The following KIF17 variants were observed in gnomAD, a reference collection of about 807,000 sequenced individuals.
The protein encoded by KIF17 is kinesin-like protein KIF17.
Under a neutral mutation model 96.8 loss-of-function variants are expected in KIF17, and 80 were observed. That is an observed-to-expected ratio of 0.83 (90% confidence interval 0.69 to 1.00). KIF17 has a LOEUF of 1.00. Ranked by LOEUF, KIF17 falls within the 50% of genes least tolerant of loss-of-function variation. The probability of loss-of-function intolerance (pLI) is 0.00; values close to 1 mark genes in which losing one functional copy is unlikely to be tolerated. For synonymous variants in KIF17, 567 were observed against 587.5 expected (o/e 0.97, Z 0.51); for missense variants, 1,280 against 1,372.9 (o/e 0.93, Z 1.07).
chr1:20,664,537 G>A lies in KIF17; in HGVS notation c.*47C>T. 2 of 1,613,378 alleles carry A rather than the reference G, an allele frequency of 1.2e-6. No individual in the cohort carries two copies. Among genetic ancestry groups the A allele is most frequent in the South Asian group, 1.1e-5 (1 of 91,024 alleles). ...GGTTGGGGCTGCCCTGGGAGGGCCTGGCAGTCTCTACATGCCTATAAGGCA... is the reference window on the plus strand; with the variant it reads ...GGTTGGGGCTGCCCTGGGAGGGCCTAGCAGTCTCTACATGCCTATAAGGCA... On this transcript the variant is annotated 3_prime_UTR_variant, in exon 15 of 15. Transcript: ENST00000400463.
chr1:20,676,044 A>G (rs1029117708), intron 11 of KIF17, among the ~76,000 whole-genome samples: 1 of 152,198 alleles, frequency 6.6e-6, no homozygotes, highest in Admixed American at 6.6e-5. Context: ...AGGAAAAAGA[A>G]AAAAAGAAAA....
chr1:20,707,787 ATGTGTGTGTGTGTGTGTGTGTG>A (rs3077930), intron 4 of KIF17, among the ~76,000 whole-genome samples: 22 of 124,568 alleles, frequency 1.8e-4, no homozygotes, highest in African/African-American at 2.3e-4. Flanking sequence ...ACCAATGTGT[ATGTGTGTGTGTGTGTGTGTGTG>A]TGTGTGTGTG....
chr1:20,683,133 A>G (rs890950620), intron 10 of KIF17, among the ~76,000 whole-genome samples: 1 of 152,186 alleles, frequency 6.6e-6, no homozygotes, highest in Admixed American at 6.5e-5. Context: ...CTGTGGGCTC[A>G]GCTAACCCAC....
chr1:20,686,457 ATC>A (rs1253098738), intron 8 of KIF17: 9 of 456,290 alleles, frequency 2.0e-5, no homozygotes, highest in East Asian at 4.1e-5. Flanking sequence ...TAGACCTGGG[ATC>A]TCTCTCTCTA....
chr1:20,676,607 G>A (rs1056581788), intron 11 of KIF17, among the ~76,000 whole-genome samples: 13 of 152,110 alleles, frequency 8.5e-5, no homozygotes, highest in African/African-American at 1.7e-4. Context: ...AAGGTGGGGC[G>A]GATCACTTGA....
rs1249255885 is a variant in KIF17, at chr1:20,717,808, G to C, written c.-102C>G. ...GCGGGGCCAGCGCCGGCCACGGGGGGCGGGGCCTTGAGGCAGGGGCGGGGC... is the reference window on the plus strand; with the variant it reads ...GCGGGGCCAGCGCCGGCCACGGGGGCCGGGGCCTTGAGGCAGGGGCGGGGC... On this transcript the variant is annotated 5_prime_UTR_variant, in exon 1 of 15. Coordinates refer to ENST00000400463, the MANE Select transcript of KIF17 (RefSeq NM_001122819.3). 1.6e-5 allele frequency: 21 copies of C among 1,286,098 alleles called. No homozygotes were observed. In the African/African-American group the frequency reaches 3.2e-4, roughly 19 times the overall value. The allele number at this position is 1,286,098 out of a possible 1,614,324, so 79.7% of individuals were successfully genotyped here.
chr1:20,687,789 A>C lies in KIF17; in HGVS notation c.1537T>G (p.Ser513Ala). Reference sequence around the variant, plus strand: ...AACCTGGAGGAAACCTGAGTCTTGGAGACATCGTCACTGGGCAGAGTGTCA... The same window carrying C: ...AACCTGGAGGAAACCTGAGTCTTGGCGACATCGTCACTGGGCAGAGTGTCA... ...TTDTLPSDDV[S>A]KTQVSSRFAE... is the part of the protein sequence containing the mutation. Residue 513 changes from serine to alanine, a missense_variant, in exon 8 of 15, where the codon TCC (serine) becomes GCC (alanine). Physicochemically the swap from Ser to Ala is moderately conservative, Grantham distance 99 (BLOSUM62 1). Transcript: ENST00000400463. This position sits in a 1 kb window ranked among gnomAD's most constrained non-coding sequence, Gnocchi z 4.4. 2 of 1,614,166 alleles carry C rather than the reference A, an allele frequency of 1.2e-6. No individual in the cohort carries two copies. The highest frequency in any genetic ancestry group is 1.7e-5 in the Admixed American group (1 of 60,022).
chr1:20,704,299 C>T lies in KIF17; in HGVS notation c.1123+148G>A, dbSNP rs561025609. On this transcript the variant is annotated intron_variant, in intron 5 of 14. Coordinates refer to ENST00000400463, the MANE Select transcript of KIF17 (RefSeq NM_001122819.3). This position sits in a 1 kb window ranked among gnomAD's most constrained non-coding sequence, Gnocchi z 6.8. ...AGATACCATCTGGGCCGTCTCCAAC[C>T]AGGGCCCTGCGCTCACATGGGGCTG... 6 of 677,600 alleles carry T rather than the reference C, an allele frequency of 8.9e-6. No individual in the cohort carries two copies. Among genetic ancestry groups the T allele is most frequent in the South Asian group, 4.7e-5 (3 of 63,668 alleles). The allele number at this position is 677,600 out of a possible 1,614,324, so 42.0% of individuals were successfully genotyped here.
chr1:20,690,347 G>C lies in KIF17; in HGVS notation c.1234-12C>G. 7.6e-7 allele frequency: 1 copy of C among 1,323,490 alleles called. No individual in the cohort carries two copies. The highest frequency in any genetic ancestry group is 1.0e-6 in the Non-Finnish European group (1 of 954,002). 82.0% of individuals were successfully genotyped at this position (1,323,490 alleles called of 1,614,324 possible). A position where few individuals can be genotyped will look rare whatever the true frequency, so the allele number is the denominator to read the frequency against. On this transcript the variant is annotated splice_polypyrimidine_tract_variant and intron_variant, in intron 6 of 14. Coordinates refer to ENST00000400463, the MANE Select transcript of KIF17 (RefSeq NM_001122819.3). ...CGCTCTTCATACTCCTGGGGGGGTG[G>C]GAGGGACCAGAGGGCAGGCAGCATT...
intron 3 of KIF17, among the ~76,000 whole-genome samples, chr1:20,711,541 T>C (rs75653790): frequency 0.039 from 5,955 of 152,230 alleles, 380 homozygotes; most frequent in African/African-American, 0.13. Flanking sequence ...GGCAGGAATG[T>C]GTCCATCGCT....
At chr1:20,711,525 G>A (rs2054436489) in intron 3 of KIF17, among the ~76,000 whole-genome samples, 1 of 152,200 alleles carries the variant, frequency 6.6e-6, no homozygotes, top group Admixed American at 6.5e-5. Context: ...TGAGAGAGGG[G>A]AGCATGGCAG....
At position 20,690,352 on chromosome 1, in the gene KIF17, G is replaced by GGGGCA; in HGVS notation, c.1234-18_1234-17insTGCCC. The GGGGCA allele has an allele frequency of 2.7e-5, 12 of 451,112 alleles. No individual in the cohort carries two copies. The highest frequency in any genetic ancestry group is 4.7e-5 in the Non-Finnish European group (11 of 235,100). 27.9% of individuals were successfully genotyped at this position (451,112 alleles called of 1,614,324 possible). ...TTCATACTCCTGGGGGGGTGGGAGGGACCAGAGGGCAGGCAGCATTTTATC... is the reference window on the plus strand; with the variant it reads ...TTCATACTCCTGGGGGGGTGGGAGGGGGGCAACCAGAGGGCAGGCAGCATTTTATC... On this transcript the variant is annotated splice_polypyrimidine_tract_variant and intron_variant, in intron 6 of 14. Coordinates refer to ENST00000400463, the MANE Select transcript of KIF17 (RefSeq NM_001122819.3).
rs1453707941 is a variant in KIF17, at chr1:20,672,464, C to CA, written c.2464-269dup. Among the ~76,000 whole-genome samples the CA allele has an allele frequency of 6.6e-6, 1 of 152,160 alleles. No homozygotes were observed. The highest frequency in any genetic ancestry group is 1.9e-4 in the East Asian group (1 of 5,188). The stretch of plus-strand genomic sequence containing the variant: ...TAAATGAGCACCTAATGTGTCCCCC[C>CA]AGCCCTGCAAAATGTAGGGGAAAAG... On this transcript the variant is annotated intron_variant, in intron 11 of 14. Transcript: ENST00000400463. This position sits in a 1 kb window ranked among gnomAD's most constrained non-coding sequence, Gnocchi z 4.3.
intron 8 of KIF17, 56 bp from the exon 9 acceptor site, chr1:20,686,182 C>T: frequency 7.0e-7 from 1 of 1,435,572 alleles, no homozygotes; most frequent in Non-Finnish European, 9.6e-7. Flanking sequence ...CAGAACCATC[C>T]TTTACTCCCT....
intron 9 of KIF17, 33 bp downstream of exon 9, chr1:20,686,013 G>T: frequency 6.6e-7 from 1 of 1,517,266 alleles, no homozygotes; most frequent in South Asian, 1.2e-5. Context: ...AGAGAACCCC[G>T]TCCCCCACAT....
intron 6 of KIF17, chr1:20,692,862 C>T (rs1467847716): frequency 2.0e-5 from 3 of 151,686 alleles, no homozygotes; most frequent in African/African-American, 7.3e-5. Context: ...CAACCTCCAC[C>T]TCCCAGGTTG....
chr1:20,695,603 C>A (rs1258046496), intron 6 of KIF17, among the ~76,000 whole-genome samples: 1 of 152,148 alleles, frequency 6.6e-6, no homozygotes, highest in East Asian at 1.9e-4. Context: ...TCCTCTCCCC[C>A]CACATCCCCT....
chr1:20,713,882 CAAACA>C (rs1409516452), intron 2 of KIF17, among the ~76,000 whole-genome samples: 4 of 151,794 alleles, frequency 2.6e-5, no homozygotes, highest in African/African-American at 4.8e-5. Context: ...AAACAAAAAA[CAAACA>C]AAACAAAACA....
At position 20,688,950 on chromosome 1, in the gene KIF17, C is replaced by T. The variant is rs77899264; in HGVS notation, c.1382-1006G>A. ...TTAGTGCTCCAGTTCAGGGGGCTCC[C>T]GGCGCCTCTCATACCTCCCACCCAT... is the stretch of plus-strand genomic sequence containing the variant. On this transcript the variant is annotated intron_variant, in intron 7 of 14. Transcript: ENST00000400463. Among the ~76,000 whole-genome samples the T allele has an allele frequency of 4.4e-3, 665 of 152,288 alleles. 4 individuals are homozygous for T. The highest frequency in any genetic ancestry group is 0.015 in the African/African-American group (630 of 41,564).
Sources: gnomAD v4.1 joint callset for allele counts (sites outside exome capture counted in the v4.1 genomes callset) on GRCh38, gnomAD v4.1.1 for gene constraint, Gnocchi (gnomAD v3.1) non-coding constraint, MANE v1.5 for transcripts, NCBI Gene and HGNC (gene_info 2026-07-23, HGNC 2026-07-21) for gene names.